The following RNF130 variants were observed in gnomAD, a reference collection of about 807,000 sequenced individuals.
The protein encoded by RNF130 is ring finger protein 130, also known as E3 ubiquitin-protein ligase RNF130.
In RNF130, 21 loss-of-function variants were observed where a neutral mutation model predicts 44.6. The observed-to-expected ratio is 0.47, with a 90% CI of 0.33 to 0.68. RNF130 has a LOEUF of 0.68. Ranked by LOEUF, RNF130 falls within the 30% of genes least tolerant of loss-of-function variation. The probability of loss-of-function intolerance (pLI) is 0.02; values close to 1 mark genes in which losing one functional copy is unlikely to be tolerated. For missense variants in RNF130, 479 were observed against 560.6 expected (o/e 0.85, Z 1.47); for synonymous variants, 214 against 210.4 (o/e 1.02, Z -0.15).
chr5:180,030,903 C>A (rs190797688), intron 2 of RNF130, among the ~76,000 whole-genome samples: 10 of 152,104 alleles, frequency 6.6e-5, no homozygotes, highest in Non-Finnish European at 1.3e-4. Flanking sequence ...GTGAACTGTC[C>A]AGATCCACTT....
intron 1 of RNF130, among the ~76,000 whole-genome samples, chr5:180,046,118 T>C (rs1443147143): frequency 6.6e-6 from 1 of 152,100 alleles, no homozygotes; most frequent in Admixed American, 6.5e-5. Flanking sequence ...CTGTGCGCGG[T>C]GGACCGCGGC....
At chr5:179,956,870 C>T (rs1012925645) in intron 8 of RNF130, among the ~76,000 whole-genome samples, 2 of 152,236 alleles carry the variant, frequency 1.3e-5, no homozygotes, top group African/African-American at 4.8e-5. Context: ...CCGTGCTTGG[C>T]ACAAGCCCGG....
At chr5:179,975,410 C>T (rs1762697024) in intron 5 of RNF130, among the ~76,000 whole-genome samples, 1 of 152,182 alleles carries the variant, frequency 6.6e-6, no homozygotes, top group Non-Finnish European at 1.5e-5. Flanking sequence ...CTGCCAGGCC[C>T]ACACCCCCAC....
chr5:179,997,495 T>C (rs1763232220), intron 3 of RNF130, among the ~76,000 whole-genome samples: 1 of 151,884 alleles, frequency 6.6e-6, no homozygotes, highest in Non-Finnish European at 1.5e-5. Context: ...GGCTAATTTA[T>C]TTATTATTAT....
chr5:180,054,728 G>A (rs866856526), intron 1 of RNF130, among the ~76,000 whole-genome samples: 7 of 152,122 alleles, frequency 4.6e-5, no homozygotes, highest in Admixed American at 2.6e-4. Flanking sequence ...ACTTCCATAT[G>A]AAGTTCTGGT....
At chr5:179,950,339 A>C (rs1423522010), downstream of RNF130, among the ~76,000 whole-genome samples, 1 of 152,048 alleles carries the variant, frequency 6.6e-6, no homozygotes, top group East Asian at 1.9e-4. Context: ...CTGGTATCAA[A>C]TCCCTGGGCT....
chr5:180,064,898 G>C (rs1432518090), intron 1 of RNF130, among the ~76,000 whole-genome samples: 1 of 147,750 alleles, frequency 6.8e-6, no homozygotes, highest in Admixed American at 6.9e-5. Context: ...TACACTAAAA[G>C]CCAAGTCCTG....
chr5:179,975,025 T>C (rs60407359), intron 5 of RNF130, among the ~76,000 whole-genome samples: 2,131 of 152,334 alleles, frequency 0.014, 56 homozygotes, highest in African/African-American at 0.049. Context: ...CTGCAGGTGC[T>C]GCTGTGCCGA....
intron 2 of RNF130, among the ~76,000 whole-genome samples, chr5:180,036,825 G>C (rs147857163): frequency 3.1e-3 from 402 of 128,002 alleles, no homozygotes; most frequent in Admixed American, 5.2e-3. Context: ...TATAATGTCT[G>C]TCTACCCCCA....
At chr5:179,922,779 C>T (rs111304982) in intron 7 of RNF130, among the ~76,000 whole-genome samples, 3,852 of 151,800 alleles carry the variant, frequency 0.025, 169 homozygotes, top group African/African-American at 0.08. Flanking sequence ...ACTAAAAATA[C>T]AAAAAGTAGC....
chr5:179,994,173 T>C (rs1763153545), intron 3 of RNF130, among the ~76,000 whole-genome samples: 1 of 152,186 alleles, frequency 6.6e-6, no homozygotes, highest in South Asian at 2.1e-4. Context: ...GCCTCCAGTT[T>C]TGTTCTTTTG....
At chr5:179,952,163 A>G (rs528086047), downstream of RNF130, among the ~76,000 whole-genome samples, 15 of 152,242 alleles carry the variant, frequency 9.9e-5, no homozygotes, top group African/African-American at 3.6e-4. Flanking sequence ...GTGCCACTGC[A>G]CTCCAGCCTG....
chr5:180,064,168 C>G (rs934793352), intron 1 of RNF130, among the ~76,000 whole-genome samples: 4 of 152,214 alleles, frequency 2.6e-5, no homozygotes. Context: ...GTAGCTTTCC[C>G]TGATTTCAGA....
chr5:180,000,122 T>C (rs1010447299), intron 3 of RNF130, among the ~76,000 whole-genome samples: 7 of 152,242 alleles, frequency 4.6e-5, no homozygotes, highest in African/African-American at 1.7e-4. Flanking sequence ...TCTCAATTTT[T>C]GTCTAGGAAA....
intron 2 of RNF130, among the ~76,000 whole-genome samples, chr5:180,019,644 G>C (rs1763828028): frequency 6.6e-6 from 1 of 152,136 alleles, no homozygotes; most frequent in Non-Finnish European, 1.5e-5. Flanking sequence ...AGAACTCAAG[G>C]GGGAAAAACA....
At chr5:180,006,343 C>T (rs887088829) in intron 3 of RNF130, among the ~76,000 whole-genome samples, 2 of 152,004 alleles carry the variant, frequency 1.3e-5, no homozygotes, top group Non-Finnish European at 2.9e-5. Context: ...ATTAACTGTA[C>T]TCATGCAAAG....
intron 3 of RNF130, among the ~76,000 whole-genome samples, chr5:180,004,795 T>C (rs1763425899): frequency 6.6e-6 from 1 of 152,230 alleles, no homozygotes; most frequent in African/African-American, 2.4e-5. Context: ...CTCACAGAAT[T>C]AGAGTAAGTC....
chr5:179,971,817 T>C (rs1019217332), intron 5 of RNF130, among the ~76,000 whole-genome samples: 1 of 152,234 alleles, frequency 6.6e-6, no homozygotes, highest in Non-Finnish European at 1.5e-5. Flanking sequence ...GAACTCAGTT[T>C]CTACTGGGAT....
At chr5:180,067,004 G>A (rs907400525) in intron 1 of RNF130, among the ~76,000 whole-genome samples, 2 of 152,230 alleles carry the variant, frequency 1.3e-5, no homozygotes, top group Admixed American at 1.3e-4. Context: ...ATTCCAGCCC[G>A]GGCAACAGAG....
Sources: allele counts gnomAD v4.1 joint callset (sites outside exome capture counted in the v4.1 genomes callset), GRCh38; gene constraint gnomAD v4.1.1; transcripts MANE v1.5; gene names NCBI Gene and HGNC (gene_info 2026-07-23, HGNC 2026-07-21).